TMEM106B: variants seen among roughly 807,000 people sequenced by gnomAD.
The protein encoded by TMEM106B is transmembrane protein 106B.
In TMEM106B, 15 loss-of-function variants were observed where a neutral mutation model predicts 31.1. The ratio of observed to expected loss-of-function variants is 0.48; its 90% CI spans 0.32 to 0.74. TMEM106B has a LOEUF of 0.74. TMEM106B is among the 30% of genes least tolerant of loss of function. TMEM106B has a pLI of 0.03. For synonymous variants in TMEM106B, 126 were observed against 112.5 expected, an observed-to-expected ratio of 1.12 and a Z score of -0.76; for missense variants, 283 against 327.3, an observed-to-expected ratio of 0.86 and a Z score of 1.04.
chr7:12,219,451 A>G (rs2128524901), intron 3 of TMEM106B, among the ~76,000 whole-genome samples: 1 of 152,320 alleles, frequency 6.6e-6, no homozygotes, highest in East Asian at 1.9e-4. Flanking sequence ...GCACCTGGAA[A>G]GGATTGCAAC....
rs1782256667 is a variant in TMEM106B, at chr7:12,242,800, A to G, written c.*10825A>G. 1 of 152,152 alleles carries G rather than the reference A, an allele frequency of 6.6e-6. No individual in the cohort carries two copies. Among genetic ancestry groups the G allele is most frequent in the South Asian group, 2.1e-4 (1 of 4,836 alleles). 9.4% of individuals were successfully genotyped at this position (152,152 alleles called of 1,614,324 possible). The stretch of plus-strand genomic sequence containing the variant: ...GTAAGCCTGTATCTGGTTTAAAAAA[A>G]AGAAGTGAATATTTTCAATACTTAT... On this transcript the variant is annotated 3_prime_UTR_variant, in exon 8 of 8. Coordinates refer to ENST00000396668, the MANE Select transcript of TMEM106B (RefSeq NM_001134232.2).
rs917245248 is a variant in TMEM106B at position 12,237,330 on chromosome 7, C to T, written c.*5355C>T. ...CAGTGTAGATATTCAAAATCTTTTA[C>T]CTTTAATCCTTTTCATCCTTATAGT... is the stretch of plus-strand genomic sequence containing the variant. On this transcript the variant is annotated 3_prime_UTR_variant, in exon 8 of 8. Transcript: ENST00000396668. The T allele has an allele frequency of 2.0e-5, 3 of 151,462 alleles. No homozygotes were observed. The highest frequency in any genetic ancestry group is 7.3e-5 in the African/African-American group (3 of 41,186). The allele number at this position is 151,462 out of a possible 1,614,324, so 9.4% of individuals were successfully genotyped here. A position where few individuals can be genotyped will look rare whatever the true frequency, so the allele number is the denominator to read the frequency against.
intron 4 of TMEM106B, among the ~76,000 whole-genome samples, chr7:12,226,688 T>G (rs2128526583): frequency 7.2e-6 from 1 of 138,374 alleles, no homozygotes; most frequent in East Asian, 2.2e-4. Context: ...ACTACTTAAT[T>G]ACAGAGAAAA....
At chr7:12,223,091 T>C (rs1435525) in intron 3 of TMEM106B, among the ~76,000 whole-genome samples, 77,007 of 151,992 alleles carry the variant, frequency 0.51, 20,538 homozygotes, top group African/African-American at 0.66. Context: ...GAACAGGAAA[T>C]AGTTATTTGA....
In TMEM106B at chr7:12,241,719, T is replaced by C. The variant is rs1488700189; in HGVS notation, c.*9744T>C. Reference sequence around the variant, plus strand: ...CAGTGCTGCAATAAACATATGTGTGTATGTGTCTTTACAGTAAAATGATTT... The same window carrying C: ...CAGTGCTGCAATAAACATATGTGTGCATGTGTCTTTACAGTAAAATGATTT... On this transcript the variant is annotated 3_prime_UTR_variant, in exon 8 of 8. Transcript: ENST00000396668. 1.3e-5 allele frequency: 2 copies of C among 152,182 alleles called. No homozygotes were observed. Among genetic ancestry groups the C allele is most frequent in the Non-Finnish European group, 2.9e-5 (2 of 68,034 alleles). The allele number at this position is 152,182 out of a possible 1,614,324, so 9.4% of individuals were successfully genotyped here.
At chr7:12,230,461 T>C (rs780730635) in intron 6 of TMEM106B, 23 bp downstream of exon 6, 6 of 1,442,896 alleles carry the variant, frequency 4.2e-6, no homozygotes, top group Non-Finnish European at 5.8e-6. Context: ...TTATAATAAC[T>C]TTTTATTGTC....
At position 12,233,171 on chromosome 7, in the gene TMEM106B, G is replaced by T. The variant is rs1180414933; in HGVS notation, c.*1196G>T. 1 of 145,728 alleles carries T rather than the reference G, an allele frequency of 6.9e-6. No individual in the cohort carries two copies. Among genetic ancestry groups the T allele is most frequent in the Non-Finnish European group, 1.5e-5 (1 of 66,052 alleles). The allele number at this position is 145,728 out of a possible 1,614,324, so 9.0% of individuals were successfully genotyped here. On this transcript the variant is annotated 3_prime_UTR_variant, in exon 8 of 8. Coordinates refer to ENST00000396668, the MANE Select transcript of TMEM106B (RefSeq NM_001134232.2). ...TCTACTTTTGGTTTTATTTAAAATT[G>T]TTTTCAAATATAGATTATTGACTTA...
Position 12,215,109 on chromosome 7 carries a change from C to T in TMEM106B, c.217+82C>T, listed in dbSNP as rs550419251. 3.0e-5 allele frequency: 36 copies of T among 1,214,458 alleles called. No individual in the cohort carries two copies. The East Asian group carries it at 7.6e-4, about 26-fold the overall frequency. 75.2% of individuals were successfully genotyped at this position (1,214,458 alleles called of 1,614,324 possible). On this transcript the variant is annotated intron_variant, in intron 2 of 7. Transcript: ENST00000396668. ...TATAAAAACTGTGGGTCTCAGGAACCACCTGTTTTAGAGGACTCTTAGAAT... is the reference window on the plus strand; with the variant it reads ...TATAAAAACTGTGGGTCTCAGGAACTACCTGTTTTAGAGGACTCTTAGAAT...
rs1009324535 is a variant in TMEM106B, at chr7:12,239,016, G to C, written c.*7041G>C. 2.0e-5 allele frequency: 3 copies of C among 152,136 alleles called. No homozygotes were observed. The highest frequency in any genetic ancestry group is 4.4e-5 in the Non-Finnish European group (3 of 68,006). 9.4% of individuals were successfully genotyped at this position (152,136 alleles called of 1,614,324 possible). A position where few individuals can be genotyped will look rare whatever the true frequency, so the allele number is the denominator to read the frequency against. ...CAAGCATTGACTTCTCTTTAGCTATGAAAGTTTTAGATGGCACCTTTTTGT... is the reference window on the plus strand; with the variant it reads ...CAAGCATTGACTTCTCTTTAGCTATCAAAGTTTTAGATGGCACCTTTTTGT... On this transcript the variant is annotated 3_prime_UTR_variant, in exon 8 of 8. Transcript: ENST00000396668.
intron 5 of TMEM106B, 68 bp downstream of exon 5, chr7:12,229,887 G>T (rs564809004): frequency 6.7e-7 from 1 of 1,482,018 alleles, no homozygotes; most frequent in Non-Finnish European, 9.1e-7. Flanking sequence ...CATATAACTT[G>T]AAGGAGGTGG....
In TMEM106B at chr7:12,234,494, C is replaced by T. The variant is rs1456797997; in HGVS notation, c.*2519C>T. The T allele has an allele frequency of 6.6e-6, 1 of 151,804 alleles. No homozygotes were observed. The highest frequency in any genetic ancestry group is 2.4e-5 in the African/African-American group (1 of 41,402). The allele number at this position is 151,804 out of a possible 1,614,324, so 9.4% of individuals were successfully genotyped here. On this transcript the variant is annotated 3_prime_UTR_variant, in exon 8 of 8. Transcript: ENST00000396668. ...GGCTGTAAATTAATAAAACTACAAACACACATTCAGGTGAAGCAGAAGTAT... is the reference window on the plus strand; with the variant it reads ...GGCTGTAAATTAATAAAACTACAAATACACATTCAGGTGAAGCAGAAGTAT...
At position 12,234,358 on chromosome 7, in the gene TMEM106B, G is replaced by GA. The variant is rs1194110605; in HGVS notation, c.*2390dup. On this transcript the variant is annotated 3_prime_UTR_variant, in exon 8 of 8. Transcript: ENST00000396668. ...TCTACTTTTAGTGGAGTTTGAGTCA[G>GA]AAAAAAACAAGAATTTGAAACAAGT... The GA allele has an allele frequency of 2.0e-5, 3 of 151,336 alleles. No homozygotes were observed. The highest frequency in any genetic ancestry group is 4.4e-5 in the Non-Finnish European group (3 of 67,614). The allele number at this position is 151,336 out of a possible 1,614,324, so 9.4% of individuals were successfully genotyped here. A position where few individuals can be genotyped will look rare whatever the true frequency, so the allele number is the denominator to read the frequency against.
chr7:12,219,792 A>G (rs1437307393), intron 3 of TMEM106B, among the ~76,000 whole-genome samples: 1 of 152,210 alleles, frequency 6.6e-6, no homozygotes, highest in Non-Finnish European at 1.5e-5. Context: ...TCAACAACAA[A>G]TTGTGTAAAG....
intron 3 of TMEM106B, among the ~76,000 whole-genome samples, chr7:12,220,920 C>T (rs12666249): frequency 0.32 from 48,602 of 151,848 alleles, 8,069 homozygotes; most frequent in East Asian, 0.53. Context: ...TATATTTTAC[C>T]ACAGTGTGAT....
chr7:12,240,778 A>T lies in TMEM106B; in HGVS notation c.*8803A>T, dbSNP rs967676590. ...AAATAGCATCTTATGAGGAACCTTG[A>T]TATGTGACAAAACAGATGCTTTGAT... is the stretch of plus-strand genomic sequence containing the variant. On this transcript the variant is annotated 3_prime_UTR_variant, in exon 8 of 8. Coordinates refer to ENST00000396668, the MANE Select transcript of TMEM106B (RefSeq NM_001134232.2). 2.0e-5 allele frequency: 3 copies of T among 151,416 alleles called. No homozygotes were observed. Among genetic ancestry groups the T allele is most frequent in the African/African-American group, 7.3e-5 (3 of 41,178 alleles). 9.4% of individuals were successfully genotyped at this position (151,416 alleles called of 1,614,324 possible). A position where few individuals can be genotyped will look rare whatever the true frequency, so the allele number is the denominator to read the frequency against.
chr7:12,230,838 G>A (rs1307301871), intron 6 of TMEM106B: 1 of 385,504 alleles, frequency 2.6e-6, no homozygotes, highest in Admixed American at 4.4e-5. Context: ...GTAATTTATA[G>A]CCTGCATTTA....
At chr7:12,231,237 G>T in intron 7 of TMEM106B, 122 bp downstream of exon 7, 1 of 665,174 alleles carries the variant, frequency 1.5e-6, no homozygotes, top group East Asian at 2.9e-5. Flanking sequence ...AGCCTTACAA[G>T]AGTGCTATGA....
intron 4 of TMEM106B, among the ~76,000 whole-genome samples, chr7:12,227,862 T>A (rs1781931837): frequency 1.3e-5 from 2 of 151,888 alleles, no homozygotes; most frequent in South Asian, 2.1e-4. Context: ...GTCTTAATTC[T>A]CATAAGGATT....
In TMEM106B at chr7:12,243,151, CAT is replaced by C. The variant is rs1782263266; in HGVS notation, c.*11177_*11178del. ...AGTGATTTCAATAGTGGCATTGTCA[CAT>C]GATTCAAGAAGAGGAGGCCATTACA... On this transcript the variant is annotated 3_prime_UTR_variant, in exon 8 of 8. Coordinates refer to ENST00000396668, the MANE Select transcript of TMEM106B (RefSeq NM_001134232.2). The C allele has an allele frequency of 6.6e-6, 1 of 151,986 alleles. No homozygotes were observed. Among genetic ancestry groups the C allele is most frequent in the East Asian group, 1.9e-4 (1 of 5,190 alleles). 9.4% of individuals were successfully genotyped at this position (151,986 alleles called of 1,614,324 possible). A position where few individuals can be genotyped will look rare whatever the true frequency, so the allele number is the denominator to read the frequency against.
Sources: gnomAD v4.1 joint callset for allele counts (sites outside exome capture counted in the v4.1 genomes callset) on GRCh38, gnomAD v4.1.1 for gene constraint, MANE v1.5 for transcripts, NCBI Gene and HGNC (gene_info 2026-07-23, HGNC 2026-07-21) for gene names.